Variants in TK2 observed in about 807,000 individuals in gnomAD.
The protein encoded by TK2 is thymidine kinase 2.
In TK2, 35 loss-of-function variants were observed where a neutral mutation model predicts 41.9. The observed-to-expected ratio is 0.84, with a 90% CI of 0.64 to 1.11. The LOEUF (loss-of-function observed/expected upper bound fraction) is 1.11. Among genes scored for constraint, TK2 ranks in the 50% least tolerant of loss-of-function variants. The pLI is 0.00. For missense variants in TK2, 320 were observed against 351.1 expected (o/e 0.91, Z 0.71); for synonymous variants, 128 against 129.1 (o/e 0.99, Z 0.06).
Position 66,512,106 on chromosome 16 carries a change from T to A in TK2, c.700-40A>T, listed in dbSNP as rs1474377995. 4 of 1,541,990 alleles carry A rather than the reference T, an allele frequency of 2.6e-6. No individual in the cohort carries two copies. The South Asian group carries it at 4.5e-5, about 17-fold the overall frequency. On this transcript the variant is annotated intron_variant, in intron 9 of 9. Coordinates refer to ENST00000544898, the MANE Select transcript of TK2 (RefSeq NM_004614.5). ...CATGGGTCACAAGGCTGCACTGACC[T>A]CAGCAGCATCCTCCTTTCACAGCTG...
intron 6 of TK2, among the ~76,000 whole-genome samples, chr16:66,520,322 T>C (rs1322374687): frequency 6.6e-6 from 1 of 152,068 alleles, no homozygotes; most frequent in Non-Finnish European, 1.5e-5. Flanking sequence ...AGTAGCCCAT[T>C]CTTTATTCAG....
At chr16:66,533,923 G>A (rs886570900) in intron 4 of TK2, among the ~76,000 whole-genome samples, 8 of 150,644 alleles carry the variant, frequency 5.3e-5, no homozygotes, top group Non-Finnish European at 5.9e-5. Flanking sequence ...CAGGAGAATG[G>A]CGCGAACCCA....
intron 3 of TK2, among the ~76,000 whole-genome samples, chr16:66,537,798 T>A (rs1403903116): frequency 6.6e-6 from 1 of 152,134 alleles, no homozygotes; most frequent in Admixed American, 6.6e-5. Flanking sequence ...CTGGGAACTT[T>A]CAGAGTACAT....
intron 1 of TK2, 195 bp from the exon 2 acceptor site, chr16:66,549,204 C>CA: frequency 6.9e-7 from 1 of 1,447,614 alleles, no homozygotes. Context: ...GCTGCAGCTG[C>CA]AGCTTCGTGG....
intron 2 of TK2, among the ~76,000 whole-genome samples, chr16:66,543,754 G>A (rs928201500): frequency 2.6e-5 from 4 of 152,050 alleles, no homozygotes; most frequent in Non-Finnish European, 2.9e-5. Context: ...CGTCTCACCC[G>A]ACCCCACTAA....
At chr16:66,515,919 C>T (rs965046191) in intron 8 of TK2, among the ~76,000 whole-genome samples, 2 of 152,204 alleles carry the variant, frequency 1.3e-5, no homozygotes, top group Non-Finnish European at 2.9e-5. Context: ...CCAGTCCAGC[C>T]TATCCTGAGC....
chr16:66,525,620 C>A (rs1238137845), intron 6 of TK2, among the ~76,000 whole-genome samples: 6 of 152,180 alleles, frequency 3.9e-5, no homozygotes, highest in Admixed American at 2.6e-4. Context: ...GCCCTCCAGG[C>A]AGCCACAGTG....
chr16:66,549,372 T>C (rs1965710612), intron 1 of TK2: 11 of 1,133,488 alleles, frequency 9.7e-6, no homozygotes, highest in Non-Finnish European at 1.2e-5. Context: ...GACGTGGTTT[T>C]GGGCCTGGGA....
intron 8 of TK2, among the ~76,000 whole-genome samples, chr16:66,515,947 C>T (rs1372679811): frequency 6.6e-6 from 1 of 152,204 alleles, no homozygotes; most frequent in Non-Finnish European, 1.5e-5. Flanking sequence ...CCCTGACACC[C>T]CACTGAATGC....
Position 66,549,962 on chromosome 16 carries a change from C to T in TK2, c.100G>A (p.Val34Met). The T allele has an allele frequency of 4.1e-6, 6 of 1,453,064 alleles. No individual in the cohort carries two copies. Among genetic ancestry groups the T allele is most frequent in the African/African-American group, 1.5e-5 (1 of 67,100 alleles). 90.0% of individuals were successfully genotyped at this position (1,453,064 alleles called of 1,614,324 possible). A position where few individuals can be genotyped will look rare whatever the true frequency, so the allele number is the denominator to read the frequency against. Reference sequence around the variant, plus strand: ...CCGGGAGGCCAGGCCCGGCGCTGCACCCTCCGCGGCCCGGGGCCTGAGGCC... The same window carrying T: ...CCGGGAGGCCAGGCCCGGCGCTGCATCCTCCGCGGCCCGGGGCCTGAGGCC... ...SPASGPGPRR[V>M]QRRAWPPDKE... The change falls in exon 1 of 10, where the codon GTG (valine) becomes ATG (methionine). Residue 34 changes from valine to methionine, a missense_variant. By Grantham distance (21) the Val-to-Met change is conservative (BLOSUM62 1). Coordinates refer to ENST00000544898, the MANE Select transcript of TK2 (RefSeq NM_004614.5).
At chr16:66,549,602 G>C in intron 1 of TK2, 1 of 1,131,092 alleles carries the variant, frequency 8.8e-7, no homozygotes, top group Middle Eastern at 3.8e-4. Flanking sequence ...ATCGGCTTAA[G>C]GCAGCTCCCA....
rs980339494 is a variant in TK2, at chr16:66,528,975, A to G, written c.449+19T>C. On this transcript the variant is annotated intron_variant, in intron 6 of 9. Coordinates refer to ENST00000544898, the MANE Select transcript of TK2 (RefSeq NM_004614.5). ...AAATTAGTGGTTTAATAAATTATCA[A>G]CTATTCAAACTACAGTACCTTCTAT... The G allele has an allele frequency of 1.9e-6, 3 of 1,610,786 alleles. No individual in the cohort carries two copies. Among genetic ancestry groups the G allele is most frequent in the African/African-American group, 1.3e-5 (1 of 74,886 alleles).
chr16:66,547,658 G>A (rs2144487248), intron 2 of TK2, among the ~76,000 whole-genome samples: 1 of 151,598 alleles, frequency 6.6e-6, no homozygotes, highest in South Asian at 2.1e-4. Flanking sequence ...CCTAGTTACT[G>A]CTGTCTCCCC....
chr16:66,536,894 G>A (rs4441262), intron 4 of TK2, 70 bp downstream of exon 4: 1 of 1,574,998 alleles, frequency 6.3e-7, no homozygotes, highest in Non-Finnish European at 8.7e-7. Flanking sequence ...GCAGGGCTCA[G>A]GCAGAGGCAC....
intron 4 of TK2, among the ~76,000 whole-genome samples, chr16:66,535,947 G>A (rs186716698): frequency 4.1e-4 from 63 of 152,300 alleles, no homozygotes; most frequent in East Asian, 5.8e-4. Flanking sequence ...GCTCACGCCC[G>A]TAATCCCAGC....
rs980073166 is a variant in TK2 at position 66,511,786 on chromosome 16, C to T, written c.*182G>A. Reference sequence around the variant, plus strand: ...TGGCAAACCCATTGGTCCCGTTTGTCATTTACCCACGAGGGCCAGAGACGC... The same window carrying T: ...TGGCAAACCCATTGGTCCCGTTTGTTATTTACCCACGAGGGCCAGAGACGC... On this transcript the variant is annotated 3_prime_UTR_variant, in exon 10 of 10. Transcript: ENST00000544898. 1 of 661,038 alleles carries T rather than the reference C, an allele frequency of 1.5e-6. No homozygotes were observed. The highest frequency in any genetic ancestry group is 2.2e-5 in the Admixed American group (1 of 45,854). 40.9% of individuals were successfully genotyped at this position (661,038 alleles called of 1,614,324 possible).
At chr16:66,550,219 G>A (rs373233931), upstream of TK2, 6 of 1,610,136 alleles carry the variant, frequency 3.7e-6, no homozygotes, top group Non-Finnish European at 5.1e-6. Flanking sequence ...ATACTCGAAG[G>A]GAGAGGTTCG....
Position 66,517,660 on chromosome 16 carries a change from C to T in TK2, c.538+129G>A, listed in dbSNP as rs185384030. 766 of 835,662 alleles carry T rather than the reference C, an allele frequency of 9.2e-4. 5 individuals are homozygous for T. Among genetic ancestry groups the T allele is most frequent in the Non-Finnish European group, 2.1e-4 (103 of 481,226 alleles). The allele number at this position is 835,662 out of a possible 1,614,324, so 51.8% of individuals were successfully genotyped here. ...CTGCCCTCAGGGAGAAAGCTGAACT[C>T]CCATGGGGAAGGAACTGCCAAGGGC... On this transcript the variant is annotated intron_variant, in intron 7 of 9. Transcript: ENST00000544898. This position sits in a 1 kb window ranked among gnomAD's most constrained non-coding sequence, Gnocchi z 4.3.
Position 66,514,916 on chromosome 16 carries a change from T to C in TK2, c.619-1105A>G, listed in dbSNP as rs973060818. Among the ~76,000 whole-genome samples, 1 of 152,196 alleles carries C rather than the reference T, an allele frequency of 6.6e-6. No individual in the cohort carries two copies. Among genetic ancestry groups the C allele is most frequent in the Non-Finnish European group, 1.5e-5 (1 of 68,040 alleles). On this transcript the variant is annotated intron_variant, in intron 8 of 9. Coordinates refer to ENST00000544898, the MANE Select transcript of TK2 (RefSeq NM_004614.5). The surrounding 1 kb of genome is among the most constrained non-coding windows in gnomAD (Gnocchi z 4.2). ...TGTGCTGTGTCCACTAAGGGTTAAA[T>C]GGATTAAGGGCGATGCAAGATGTGC...
Sources: gnomAD v4.1 joint callset for allele counts (sites outside exome capture counted in the v4.1 genomes callset) on GRCh38, gnomAD v4.1.1 for gene constraint, Gnocchi (gnomAD v3.1) non-coding constraint, MANE v1.5 for transcripts, NCBI Gene and HGNC (gene_info 2026-07-23, HGNC 2026-07-21) for gene names.